The following GRIK1 variants were observed in gnomAD, a reference collection of about 807,000 sequenced individuals.
GRIK1 encodes glutamate receptor ionotropic, kainate 1.
Under a neutral mutation model 105.7 loss-of-function variants are expected in GRIK1, and 69 were observed. The observed-to-expected ratio is 0.65, with a 90% confidence interval of 0.54 to 0.80. The LOEUF (loss-of-function observed/expected upper bound fraction) is 0.80. Ranked by LOEUF, GRIK1 falls within the 30% of genes least tolerant of loss-of-function variation. The pLI, the probability that GRIK1 is intolerant of heterozygous loss-of-function variation, is 0.00. For missense variants in GRIK1, 1,109 were observed against 1,167.3 expected, an observed-to-expected ratio of 0.95 and a Z score of 0.73; for synonymous variants, 438 against 431.3, an observed-to-expected ratio of 1.02 and a Z score of -0.19.
intron 1 of GRIK1, among the ~76,000 whole-genome samples, chr21:29,724,519 G>A (rs996600099): frequency 6.6e-6 from 1 of 152,188 alleles, no homozygotes; most frequent in Non-Finnish European, 1.5e-5. Flanking sequence ...GTTAAAATAT[G>A]CAAGAACTGG....
chr21:29,848,779 A>ATATATATATATATATTTTTTT, intron 1 of GRIK1, among the ~76,000 whole-genome samples: 4 of 77,864 alleles, frequency 5.1e-5, no homozygotes, highest in African/African-American at 2.3e-4. Context: ...ATATATATAT[A>ATATATATATATATATTTTTTT]TTTTTTTTTT....
intron 1 of GRIK1, among the ~76,000 whole-genome samples, chr21:29,798,296 G>A (rs897629983): frequency 6.6e-6 from 1 of 152,156 alleles, no homozygotes; most frequent in African/African-American, 2.4e-5. Flanking sequence ...CTCAATTTAG[G>A]TTTTATTGGT....
chr21:29,677,724 T>G (rs992506191), intron 3 of GRIK1, among the ~76,000 whole-genome samples: 2 of 152,318 alleles, frequency 1.3e-5, no homozygotes, highest in African/African-American at 4.8e-5. Context: ...AAATAAACCT[T>G]AGAATATACC....
At chr21:29,938,802 C>T (rs2071865077) in intron 1 of GRIK1, among the ~76,000 whole-genome samples, 2 of 151,926 alleles carry the variant, frequency 1.3e-5, no homozygotes, top group South Asian at 4.2e-4. Context: ...CTGAACTCTG[C>T]CCCAATCTAG....
chr21:29,669,726 G>A (rs990776615), intron 4 of GRIK1, among the ~76,000 whole-genome samples: 2 of 152,130 alleles, frequency 1.3e-5, no homozygotes, highest in African/African-American at 4.8e-5. Context: ...CATGTAGGAT[G>A]CCACACACCT....
intron 7 of GRIK1, among the ~76,000 whole-genome samples, chr21:29,615,107 A>C (rs1490797214): frequency 6.6e-6 from 1 of 151,516 alleles, no homozygotes; most frequent in Non-Finnish European, 1.5e-5. Context: ...GCTGTTCCGA[A>C]CCCTTTTGGA....
chr21:29,587,581 G>T lies in GRIK1; in HGVS notation c.1578C>A (p.Asp526Glu). The T allele has an allele frequency of 6.2e-7, 1 of 1,607,834 alleles. No individual in the cohort carries two copies. The highest frequency in any genetic ancestry group is 8.5e-7 in the Non-Finnish European group (1 of 1,174,812). Residue 526 changes from aspartate (D) to glutamate (E), a missense_variant, in exon 12 of 18, where the codon GAC becomes GAA. By Grantham distance (45) the Asp-to-Glu change is conservative. Coordinates refer to ENST00000327783, the MANE Select transcript of GRIK1 (RefSeq NM_001330994.2). ...TGATGGTAAGAGGAGCCACTGCCAG[G>T]TCAGCCCTCTGCAAAAGCAAGTCCA... Reference protein sequence around the residue: ...MVKELIDHRADLAVAPLTITY... With the variant: ...MVKELIDHRAELAVAPLTITY...
intron 1 of GRIK1, among the ~76,000 whole-genome samples, chr21:29,817,083 T>G (rs938109796): frequency 6.6e-6 from 1 of 151,924 alleles, no homozygotes; most frequent in African/African-American, 2.4e-5. Context: ...AATAAAAAAA[T>G]GATAATCTGG....
intron 1 of GRIK1, among the ~76,000 whole-genome samples, chr21:29,870,680 C>T (rs2068976480): frequency 1.3e-5 from 2 of 152,102 alleles, no homozygotes; most frequent in African/African-American, 2.4e-5. Flanking sequence ...GATAGACCAT[C>T]GTTTGTCTAT....
chr21:29,908,914 A>G (rs1205702921), intron 1 of GRIK1, among the ~76,000 whole-genome samples: 1 of 152,174 alleles, frequency 6.6e-6, no homozygotes, highest in Non-Finnish European at 1.5e-5. Flanking sequence ...CCTCTCAAGT[A>G]TTTCCTCTGC....
rs150391914 is a variant in GRIK1, at chr21:29,833,561, G to A, written c.118+105822C>T. ...AAGGGGAAGCAGCTCATCTTACATG[G>A]CTGGAGAAGGAGGAAAAGAGATGGA... On this transcript the variant is annotated intron_variant, in intron 1 of 17. Transcript: ENST00000327783. 2.9e-3 allele frequency among the ~76,000 whole-genome samples: 436 copies of A among 152,206 alleles called. 1 individual carries two copies. Among genetic ancestry groups the A allele is most frequent in the African/African-American group, 0.01 (418 of 41,518 alleles).
At chr21:29,646,086 G>C (rs776562896) in intron 6 of GRIK1, among the ~76,000 whole-genome samples, 3 of 152,124 alleles carry the variant, frequency 2.0e-5, no homozygotes, top group Non-Finnish European at 4.4e-5. Context: ...TATTCTTTGG[G>C]TCCTGGGCAA....
At chr21:29,794,300 G>A (rs922754357) in intron 1 of GRIK1, among the ~76,000 whole-genome samples, 1 of 152,104 alleles carries the variant, frequency 6.6e-6, no homozygotes, top group African/African-American at 2.4e-5. Context: ...TAAATTAATG[G>A]AGAAAAACGT....
At chr21:29,570,856 T>TTG (rs2090729086) in intron 14 of GRIK1, among the ~76,000 whole-genome samples, 1 of 151,732 alleles carries the variant, frequency 6.6e-6, no homozygotes. Flanking sequence ...TTTTTTTTTT[T>TTG]GATGGACAAA....
intron 1 of GRIK1, among the ~76,000 whole-genome samples, chr21:29,851,430 A>C (rs539413827): frequency 6.6e-5 from 10 of 152,108 alleles, no homozygotes; most frequent in African/African-American, 2.2e-4. Flanking sequence ...AATAATAGAC[A>C]AAAGGGAGAT....
chr21:29,747,419 T>C (rs2065072869), intron 1 of GRIK1, among the ~76,000 whole-genome samples: 1 of 152,178 alleles, frequency 6.6e-6, no homozygotes, highest in African/African-American at 2.4e-5. Context: ...GAAGGAAATC[T>C]CCAATTGTGA....
chr21:29,829,244 A>C (rs2067560580), intron 1 of GRIK1, among the ~76,000 whole-genome samples: 1 of 152,188 alleles, frequency 6.6e-6, no homozygotes, highest in Admixed American at 6.5e-5. Context: ...GCTCATATTC[A>C]TCACTTTTAA....
At chr21:29,815,384 C>G (rs1205986112) in intron 1 of GRIK1, among the ~76,000 whole-genome samples, 1 of 152,072 alleles carries the variant, frequency 6.6e-6, no homozygotes, top group Non-Finnish European at 1.5e-5. Context: ...GGGGTAAGCC[C>G]CCTGTAAAGT....
intron 7 of GRIK1, among the ~76,000 whole-genome samples, chr21:29,605,096 G>A (rs56080049): frequency 0.028 from 4,227 of 151,978 alleles, 62 homozygotes; most frequent in East Asian, 0.058. Flanking sequence ...GTACATGTGC[G>A]GATATGCAGG....
Sources: gnomAD v4.1 joint callset for allele counts (sites outside exome capture counted in the v4.1 genomes callset) on GRCh38, gnomAD v4.1.1 for gene constraint, MANE v1.5 for transcripts, NCBI Gene and HGNC (gene_info 2026-07-23, HGNC 2026-07-21) for gene names.